Variants in CERT1 observed in about 807,000 individuals in gnomAD.
CERT1 encodes ceramide transporter 1, also known as ceramide transfer protein.
Under a neutral mutation model 87.9 loss-of-function variants are expected in CERT1, and 31 were observed. That is an observed-to-expected ratio of 0.35 (90% confidence interval 0.27 to 0.48). The LOEUF is 0.48. Ranked by LOEUF, CERT1 falls within the 20% of genes least tolerant of loss-of-function variation. The probability of loss-of-function intolerance (pLI) is 0.99; values close to 1 mark genes in which losing one functional copy is unlikely to be tolerated. For synonymous variants in CERT1, 289 were observed against 250.9 expected (o/e 1.15, Z -1.44); for missense variants, 487 against 758.0 (o/e 0.64, Z 4.20).
chr5:75,415,125 A>G (rs572072703), intron 7 of CERT1, among the ~76,000 whole-genome samples: 13 of 152,312 alleles, frequency 8.5e-5, no homozygotes, highest in Non-Finnish European at 1.6e-4. Context: ...CATACCCTGC[A>G]TATATTATGT....
At position 75,493,394 on chromosome 5, in the gene CERT1, T is replaced by C. The variant is rs550801906; in HGVS notation, c.231+12588A>G. Among the ~76,000 whole-genome samples, 118 of 152,364 alleles carry C rather than the reference T, an allele frequency of 7.7e-4. 1 individual carries two copies. The highest frequency in any genetic ancestry group is 1.0e-3 in the Non-Finnish European group (71 of 68,024). ...AGAGGTAAATTTGTTGAGACCATAT[T>C]TTAAAATGCTTTTAGTCTGTCCTTA... is the stretch of plus-strand genomic sequence containing the variant. On this transcript the variant is annotated intron_variant, in intron 2 of 16. Transcript: ENST00000643780.
chr5:75,380,571 G>A (rs1368947745), intron 16 of CERT1, among the ~76,000 whole-genome samples: 2 of 151,918 alleles, frequency 1.3e-5, no homozygotes, highest in Non-Finnish European at 2.9e-5. Flanking sequence ...GGTGGATCAC[G>A]AGGTCAGGAG....
rs1426868531 is a variant in CERT1 at position 75,460,083 on chromosome 5, C to A, written c.232-902G>T. ...CCTCTCATGTTGCTGGGGTTACAGG[C>A]ACAAGCTATTGTGCCGAGCTAAAAG... On this transcript the variant is annotated intron_variant, in intron 2 of 16. Transcript: ENST00000643780. 2.0e-5 allele frequency among the ~76,000 whole-genome samples: 3 copies of A among 151,674 alleles called. No individual in the cohort carries two copies. The East Asian group carries it at 5.8e-4, about 29-fold the overall frequency.
At chr5:75,409,251 T>C (rs1270557477) in intron 8 of CERT1, among the ~76,000 whole-genome samples, 3 of 152,202 alleles carry the variant, frequency 2.0e-5, no homozygotes, top group Non-Finnish European at 4.4e-5. Context: ...TAGCTAATTA[T>C]GTAATTTTAA....
intron 11 of CERT1, among the ~76,000 whole-genome samples, chr5:75,390,773 C>A (rs2112036991): frequency 6.6e-6 from 1 of 152,218 alleles, no homozygotes; most frequent in Non-Finnish European, 1.5e-5. Flanking sequence ...GAACAGGAAT[C>A]AGTTTTGAAC....
chr5:75,423,137 T>C (rs939575080), intron 5 of CERT1, among the ~76,000 whole-genome samples: 4 of 152,232 alleles, frequency 2.6e-5, no homozygotes, highest in Non-Finnish European at 5.9e-5. Context: ...TAATGTCTAT[T>C]ATTATTTTTC....
chr5:75,376,504 T>G (rs1294727462), downstream of CERT1: 1 of 152,226 alleles, frequency 6.6e-6, no homozygotes, highest in Non-Finnish European at 1.5e-5. Context: ...AGCAGGGTGA[T>G]AAGCCTGTTG....
chr5:75,459,405 T>C (rs1580801076), intron 2 of CERT1, among the ~76,000 whole-genome samples: 1 of 152,220 alleles, frequency 6.6e-6, no homozygotes, highest in African/African-American at 2.4e-5. Flanking sequence ...TCACATATGC[T>C]ACAAACATCT....
chr5:75,392,969 C>CAAAAAAAAAAA (rs1198217217), intron 11 of CERT1, among the ~76,000 whole-genome samples: 1 of 8,700 alleles, frequency 1.1e-4, no homozygotes, highest in Non-Finnish European at 1.9e-4. Context: ...GACTCCGTCT[C>CAAAAAAAAAAA]AAAAAAAAAA....
At chr5:75,388,672 C>T (rs575461335) in intron 12 of CERT1, among the ~76,000 whole-genome samples, 1 of 139,540 alleles carries the variant, frequency 7.2e-6, no homozygotes, top group Non-Finnish European at 1.6e-5. Context: ...GTGACCCAGG[C>T]TAGAGTGCAG....
At position 75,389,691 on chromosome 5, in the gene CERT1, G is replaced by T; in HGVS notation, c.1189-4C>A. ...GGTTCTGCACCATCTCTTCAACCTT[G>T]AGAAGGGAGGAAAAAGGCATGAGAA... On this transcript the variant is annotated splice_polypyrimidine_tract_variant and splice_region_variant and intron_variant, in intron 11 of 16. Transcript: ENST00000643780. 1 of 1,610,128 alleles carries T rather than the reference G, an allele frequency of 6.2e-7. No homozygotes were observed.
downstream of CERT1, chr5:75,374,109 T>G (rs913268622): frequency 2.5e-6 from 1 of 398,588 alleles, no homozygotes; most frequent in Non-Finnish European, 4.4e-6. Flanking sequence ...AGGCTATAGA[T>G]CCTACGTTCC....
At chr5:75,507,056 C>A (rs192368259) in intron 1 of CERT1, among the ~76,000 whole-genome samples, 5 of 152,134 alleles carry the variant, frequency 3.3e-5, no homozygotes, top group African/African-American at 7.2e-5. Context: ...GGCTCTATAT[C>A]CACTGAGAAA....
At chr5:75,506,343 GAAAT>G (rs1767650199) in intron 1 of CERT1, among the ~76,000 whole-genome samples, 1 of 152,104 alleles carries the variant, frequency 6.6e-6, no homozygotes, top group Non-Finnish European at 1.5e-5. Context: ...AAATCTGTAA[GAAAT>G]AAAATATAAC....
intron 14 of CERT1, among the ~76,000 whole-genome samples, chr5:75,383,751 A>G (rs1761675758): frequency 6.6e-6 from 1 of 152,194 alleles, no homozygotes; most frequent in South Asian, 2.1e-4. Context: ...TTGGAAAAAC[A>G]AAGTACCTAT....
At chr5:75,495,299 G>A (rs1767004797) in intron 2 of CERT1, among the ~76,000 whole-genome samples, 2 of 152,136 alleles carry the variant, frequency 1.3e-5, no homozygotes, top group South Asian at 2.1e-4. Flanking sequence ...GCTCATGCCT[G>A]TAATCCCAGA....
rs192196552 is a variant in CERT1, at chr5:75,498,364, C to T, written c.231+7618G>A. On this transcript the variant is annotated intron_variant, in intron 2 of 16. Transcript: ENST00000643780. ...GGGGAAAATGTCTCCAGGGCATGTC[C>T]GAGACCTTCATGGCAGCCCCTCCCA... Among the ~76,000 whole-genome samples, 224 of 152,294 alleles carry T rather than the reference C, an allele frequency of 1.5e-3. 1 individual carries two copies. The highest frequency in any genetic ancestry group is 7.4e-3 in the Admixed American group (113 of 15,304).
intron 8 of CERT1, among the ~76,000 whole-genome samples, chr5:75,407,528 C>CCAAA (rs138025804): frequency 6.8e-4 from 99 of 145,018 alleles, no homozygotes; most frequent in Middle Eastern, 3.6e-3. Context: ...GAAAAAAAAC[C>CCAAA]CAAACAAACA....
intron 2 of CERT1, among the ~76,000 whole-genome samples, chr5:75,476,805 G>A (rs1025169897): frequency 5.3e-5 from 8 of 152,084 alleles, no homozygotes; most frequent in African/African-American, 1.9e-4. Flanking sequence ...CATGCATAAT[G>A]CCCTTCCTTG....
Sources: gnomAD v4.1 joint callset for allele counts (sites outside exome capture counted in the v4.1 genomes callset) on GRCh38, gnomAD v4.1.1 for gene constraint, MANE v1.5 for transcripts, NCBI Gene and HGNC (gene_info 2026-07-23, HGNC 2026-07-21) for gene names.